Variants in ENTPD7 observed in about 807,000 individuals in gnomAD.
ENTPD7 encodes the protein NTPDase 7.
In ENTPD7, 53 loss-of-function variants were observed where a neutral mutation model predicts 77.9. The ratio of observed to expected loss-of-function variants is 0.68; its 90% CI spans 0.55 to 0.85. The LOEUF (loss-of-function observed/expected upper bound fraction) is 0.85, where lower values mean the gene tolerates loss of function less well. Ranked by LOEUF, ENTPD7 falls within the 40% of genes least tolerant of loss-of-function variation. ENTPD7 has a pLI of 0.00. For missense variants in ENTPD7, 636 were observed against 743.7 expected (o/e 0.86, Z 1.68); for synonymous variants, 248 against 274.9 (o/e 0.90, Z 0.97).
chr10:99,669,450 C>T (rs2035590948), intron 3 of ENTPD7, among the ~76,000 whole-genome samples: 1 of 151,994 alleles, frequency 6.6e-6, no homozygotes, highest in South Asian at 2.1e-4. Flanking sequence ...TAAAGACTTA[C>T]ATTTTTTTTC....
chr10:99,677,928 C>T (rs2133456964), intron 3 of ENTPD7, among the ~76,000 whole-genome samples: 2 of 152,218 alleles, frequency 1.3e-5, no homozygotes, highest in African/African-American at 4.8e-5. Context: ...GAGATTCAAA[C>T]CTTGCTATGT....
At chr10:99,674,216 A>T (rs2035652930) in intron 3 of ENTPD7, among the ~76,000 whole-genome samples, 1 of 152,212 alleles carries the variant, frequency 6.6e-6, no homozygotes, top group South Asian at 2.1e-4. Context: ...AGTGGTTCTC[A>T]AGAGTGTTTA....
chr10:99,691,789 A>G (rs10748788), intron 8 of ENTPD7, among the ~76,000 whole-genome samples: 128,770 of 152,222 alleles, frequency 0.85, 54,669 homozygotes, highest in Middle Eastern at 0.92. Flanking sequence ...ATAAGTGTTC[A>G]ATACATTTTA....
intron 6 of ENTPD7, among the ~76,000 whole-genome samples, chr10:99,687,210 C>T (rs1229883202): frequency 2.0e-5 from 3 of 148,258 alleles, no homozygotes; most frequent in Non-Finnish European, 4.5e-5. Context: ...CCACTGCGGC[C>T]GGCCCGTGAT....
Position 99,709,510 on chromosome 10 carries a change from G to A in ENTPD7, c.*4827G>A. The A allele has an allele frequency of 1.0e-6, 1 of 983,812 alleles. No individual in the cohort carries two copies. Among genetic ancestry groups the A allele is most frequent in the Admixed American group, 6.1e-5 (1 of 16,282 alleles). The allele number at this position is 983,812 out of a possible 1,614,324, so 60.9% of individuals were successfully genotyped here. A position where few individuals can be genotyped will look rare whatever the true frequency, so the allele number is the denominator to read the frequency against. ...AAACTAAGACTCAAAACCAAAAGTT[G>A]TGATTAATAATAACAGGATTATTAG... is the stretch of plus-strand genomic sequence containing the variant. On this transcript the variant is annotated 3_prime_UTR_variant, in exon 13 of 13. Coordinates refer to ENST00000370489, the MANE Select transcript of ENTPD7 (RefSeq NM_020354.5).
chr10:99,702,659 AT>A lies in ENTPD7; in HGVS notation c.1571del (p.Phe524SerfsTer74). ...TGGGAGCCATTCTATATAAAACACG[AT>A]TCTTACCACTCAGGTAAAGTAAGAC... is the stretch of plus-strand genomic sequence containing the variant. ...TLGAILYKTR[F>X]LPLRDLRQEG... On this transcript the variant is annotated frameshift_variant, in exon 12 of 13. Coordinates refer to ENST00000370489, the MANE Select transcript of ENTPD7 (RefSeq NM_020354.5). LOFTEE classifies it high-confidence loss of function. The A allele has an allele frequency of 6.2e-7, 1 of 1,611,350 alleles. No homozygotes were observed. The highest frequency in any genetic ancestry group is 2.2e-5 in the East Asian group (1 of 44,816).
intron 3 of ENTPD7, among the ~76,000 whole-genome samples, chr10:99,674,502 A>C (rs562933074): frequency 1.6e-4 from 25 of 152,126 alleles, no homozygotes; most frequent in African/African-American, 5.3e-4. Context: ...ACTACCATTA[A>C]ATTTTCTGTT....
At chr10:99,699,824 C>G (rs528160692) in intron 10 of ENTPD7, among the ~76,000 whole-genome samples, 8 of 152,246 alleles carry the variant, frequency 5.3e-5, no homozygotes, top group African/African-American at 1.9e-4. Flanking sequence ...CCTTGGCCCC[C>G]CAAAGTGCTG....
chr10:99,666,428 C>T (rs985599761), intron 3 of ENTPD7, among the ~76,000 whole-genome samples: 1 of 152,058 alleles, frequency 6.6e-6, no homozygotes, highest in Non-Finnish European at 1.5e-5. Context: ...AGGCTGGTCT[C>T]GAATCCCTGG....
intron 6 of ENTPD7, among the ~76,000 whole-genome samples, chr10:99,688,179 T>A (rs1050214679): frequency 1.2e-4 from 19 of 152,188 alleles, no homozygotes; most frequent in Non-Finnish European, 2.6e-4. Context: ...TTTACTTTCA[T>A]GTTTCAAGCT....
chr10:99,690,546 ATT>A (rs34605992), intron 7 of ENTPD7, among the ~76,000 whole-genome samples: 8 of 141,872 alleles, frequency 5.6e-5, no homozygotes, highest in African/African-American at 5.2e-5. Flanking sequence ...ATGTTTCATA[ATT>A]TTTTTTTTTT....
rs1279003976 is a variant in ENTPD7 at position 99,659,882 on chromosome 10, C to T, written c.-75C>T. ...TCTAGGCTGCAGACGTAGGAGATGC[C>T]TGGGACAAGGAGGCCACCTTCTCAG... On this transcript the variant is annotated 5_prime_UTR_variant, in exon 2 of 13. Transcript: ENST00000370489. This position sits in a 1 kb window ranked among gnomAD's most constrained non-coding sequence, Gnocchi z 4.1. 6.2e-7 allele frequency: 1 copy of T among 1,608,472 alleles called. No homozygotes were observed. The highest frequency in any genetic ancestry group is 8.5e-7 in the Non-Finnish European group (1 of 1,175,682).
intron 5 of ENTPD7, among the ~76,000 whole-genome samples, chr10:99,683,880 T>C (rs1207203202): frequency 1.3e-5 from 2 of 152,232 alleles, no homozygotes; most frequent in East Asian, 3.8e-4. Context: ...TTCATTGTTA[T>C]AAATAATTTT....
Position 99,705,550 on chromosome 10 carries a change from A to G in ENTPD7, c.*867A>G, listed in dbSNP as rs879307176. Reference sequence around the variant, plus strand: ...CCTGGGCCTGTTTTTGTGAGCCCTTACACAGGAAGATATAAAGAGAGTTCT... The same window carrying G: ...CCTGGGCCTGTTTTTGTGAGCCCTTGCACAGGAAGATATAAAGAGAGTTCT... On this transcript the variant is annotated 3_prime_UTR_variant, in exon 13 of 13. Coordinates refer to ENST00000370489, the MANE Select transcript of ENTPD7 (RefSeq NM_020354.5). 1.1e-4 allele frequency: 16 copies of G among 152,226 alleles called. No homozygotes were observed. Among genetic ancestry groups the G allele is most frequent in the Non-Finnish European group, 1.9e-4 (13 of 68,042 alleles). 9.4% of individuals were successfully genotyped at this position (152,226 alleles called of 1,614,324 possible).
chr10:99,660,052 G>T, intron 2 of ENTPD7, 88 bp downstream of exon 2: 1 of 1,595,524 alleles, frequency 6.3e-7, no homozygotes, highest in Non-Finnish European at 8.6e-7. Flanking sequence ...CCCAAGTGAG[G>T]TTTGCCCTGG....
intron 3 of ENTPD7, among the ~76,000 whole-genome samples, chr10:99,669,411 A>G (rs2035590611): frequency 6.6e-6 from 1 of 152,158 alleles, no homozygotes; most frequent in Admixed American, 6.5e-5. Flanking sequence ...GAAGCCTGTC[A>G]GGGGGTTTTC....
intron 8 of ENTPD7, among the ~76,000 whole-genome samples, chr10:99,693,263 T>C (rs2035913104): frequency 6.6e-6 from 1 of 152,198 alleles, no homozygotes. Context: ...AGTTCAGAAG[T>C]TGTAAAACTA....
At chr10:99,673,847 CA>C (rs775163939) in intron 3 of ENTPD7, among the ~76,000 whole-genome samples, 35 of 152,276 alleles carry the variant, frequency 2.3e-4, no homozygotes, top group Admixed American at 1.2e-3. Flanking sequence ...AGGACCAAAC[CA>C]ATCAATACTA....
At position 99,685,662 on chromosome 10, in the gene ENTPD7, A is replaced by G. The variant is rs556471601; in HGVS notation, c.549-130A>G. Reference sequence around the variant, plus strand: ...ATCAAAGGCGGTACCAAAAAGAAGCAGGGCTGGACAAGTAGATGAGGTAGG... The same window carrying G: ...ATCAAAGGCGGTACCAAAAAGAAGCGGGGCTGGACAAGTAGATGAGGTAGG... On this transcript the variant is annotated intron_variant, in intron 5 of 12. Transcript: ENST00000370489. The G allele has an allele frequency of 4.8e-6, 3 of 623,996 alleles. No homozygotes were observed. In the East Asian group the frequency reaches 8.3e-5, roughly 17 times the overall value. The allele number at this position is 623,996 out of a possible 1,614,324, so 38.7% of individuals were successfully genotyped here.
Sources: allele counts gnomAD v4.1 joint callset (sites outside exome capture counted in the v4.1 genomes callset), GRCh38; gene constraint gnomAD v4.1.1; non-coding constraint Gnocchi (gnomAD v3.1); transcripts MANE v1.5; gene names NCBI Gene and HGNC (gene_info 2026-07-23, HGNC 2026-07-21).